The following USP3 variants were observed in gnomAD, a reference collection of about 807,000 sequenced individuals.
The protein encoded by USP3 is ubiquitin carboxyl-terminal hydrolase 3.
USP3 carries 20 observed loss-of-function variants against 72.3 expected under a neutral mutation model. That is an observed-to-expected ratio of 0.28 (90% CI 0.19 to 0.40). The LOEUF is 0.40. Among genes scored for constraint, USP3 ranks in the 10% least tolerant of loss-of-function variants. The probability of loss-of-function intolerance (pLI) is 1.00; values close to 1 mark genes in which losing one functional copy is unlikely to be tolerated. For synonymous variants in USP3, 222 were observed against 225.3 expected (o/e 0.99, Z 0.13); for missense variants, 479 against 633.9 (o/e 0.76, Z 2.62).
intron 3 of USP3, among the ~76,000 whole-genome samples, chr15:63,538,549 C>CTTT (rs746038629): frequency 6.6e-5 from 9 of 137,184 alleles, no homozygotes; most frequent in Admixed American, 2.9e-4. Context: ...AGGTCTTTTA[C>CTTT]TTTTTTTTTT....
chr15:63,537,267 C>T (rs1567102095), intron 3 of USP3, 111 bp downstream of exon 3: 3 of 1,268,252 alleles, frequency 2.4e-6, no homozygotes, highest in South Asian at 1.8e-5. Flanking sequence ...CCTCCTTTTA[C>T]AACTGTTAGG....
intron 1 of USP3, among the ~76,000 whole-genome samples, chr15:63,517,374 G>C (rs966510269): frequency 6.6e-6 from 1 of 152,084 alleles, no homozygotes; most frequent in Non-Finnish European, 1.5e-5. Flanking sequence ...GAGTATGTTG[G>C]TTTTGAAGTT....
rs1256145596 is a variant in USP3 at position 63,504,640 on chromosome 15, C to T, written c.-100C>T. 2 of 1,069,360 alleles carry T rather than the reference C, an allele frequency of 1.9e-6. No individual in the cohort carries two copies. The highest frequency in any genetic ancestry group is 1.8e-5 in the South Asian group (1 of 55,178). The allele number at this position is 1,069,360 out of a possible 1,614,324, so 66.2% of individuals were successfully genotyped here. A position where few individuals can be genotyped will look rare whatever the true frequency, so the allele number is the denominator to read the frequency against. On this transcript the variant is annotated 5_prime_UTR_variant, in exon 1 of 15. Transcript: ENST00000380324. ...AGACGCAGCCGCCGTCGGCCGAGCG[C>T]CCGGCTAGAAGCGACACCAGACGGA...
chr15:63,544,466 AG>A lies in USP3; in HGVS notation c.284+7311del. The A allele has an allele frequency of 2.0e-6, 1 of 510,852 alleles. No homozygotes were observed. The highest frequency in any genetic ancestry group is 3.5e-6 in the Non-Finnish European group (1 of 289,284). The allele number at this position is 510,852 out of a possible 1,614,324, so 31.6% of individuals were successfully genotyped here. Reference sequence around the variant, plus strand: ...AATCCAAAGTTATTGTTTTGACTTTAGTAGACTAGTGTTTTGTCTTTTAGAA... The same window carrying A: ...AATCCAAAGTTATTGTTTTGACTTTATAGACTAGTGTTTTGTCTTTTAGAA... On this transcript the variant is annotated intron_variant, in intron 3 of 14. Transcript: ENST00000380324. The surrounding 1 kb of genome is among the most constrained non-coding windows in gnomAD (Gnocchi z 4.2).
chr15:63,527,122 C>G (rs770441939), intron 1 of USP3, among the ~76,000 whole-genome samples: 4 of 152,184 alleles, frequency 2.6e-5, no homozygotes, highest in Non-Finnish European at 4.4e-5. Context: ...GTCTTGAACT[C>G]CTGGGCTCAA....
At chr15:63,521,710 A>G (rs139579825) in intron 1 of USP3, among the ~76,000 whole-genome samples, 2,673 of 152,300 alleles carry the variant, frequency 0.018, 40 homozygotes, top group Admixed American at 0.04. Context: ...TGTTTCGGAT[A>G]CTTCTCTCTT....
At chr15:63,558,767 T>C (rs1310836100) in intron 6 of USP3, among the ~76,000 whole-genome samples, 1 of 151,984 alleles carries the variant, frequency 6.6e-6, no homozygotes, top group Non-Finnish European at 1.5e-5. Context: ...CCCAGCTGCT[T>C]GGGAGGCTGA....
intron 11 of USP3, among the ~76,000 whole-genome samples, chr15:63,581,487 A>AT (rs1466725674): frequency 6.9e-6 from 1 of 145,842 alleles, no homozygotes; most frequent in Non-Finnish European, 1.5e-5. Context: ...GGTTCAAGCG[A>AT]TTCTTCTGCC....
intron 3 of USP3, among the ~76,000 whole-genome samples, chr15:63,546,908 A>G (rs1054590763): frequency 1.3e-5 from 2 of 152,148 alleles, no homozygotes; most frequent in Non-Finnish European, 2.9e-5. Flanking sequence ...GCGTCCAGCC[A>G]ATCTGTTTGC....
At chr15:63,556,350 C>T (rs1243973848) in intron 4 of USP3, 1 of 224,110 alleles carries the variant, frequency 4.5e-6, no homozygotes. Context: ...GAGGAATGAA[C>T]CTTCTGGTCT....
intron 1 of USP3, among the ~76,000 whole-genome samples, chr15:63,518,508 C>T (rs1479751812): frequency 6.6e-6 from 1 of 152,066 alleles, no homozygotes; most frequent in Non-Finnish European, 1.5e-5. Context: ...AAAGTATGAT[C>T]TTAATTGGAA....
chr15:63,514,125 G>A (rs768060992), intron 1 of USP3, among the ~76,000 whole-genome samples: 6 of 152,148 alleles, frequency 3.9e-5, no homozygotes, highest in African/African-American at 9.7e-5. Context: ...CTCAACATTC[G>A]TGCCATGAGA....
intron 8 of USP3, among the ~76,000 whole-genome samples, chr15:63,567,584 G>T (rs545140598): frequency 2.6e-5 from 4 of 151,624 alleles, no homozygotes; most frequent in African/African-American, 9.7e-5. Context: ...CTGACCTCAT[G>T]ATCTGCCTGC....
At chr15:63,565,946 T>A (rs924926781) in intron 8 of USP3, among the ~76,000 whole-genome samples, 9 of 152,212 alleles carry the variant, frequency 5.9e-5, no homozygotes, top group Non-Finnish European at 8.8e-5. Flanking sequence ...TCCTTGCTTT[T>A]CTTAACACAG....
chr15:63,547,888 G>GAGAGAGAGAGAGAGAGAGACAT (rs1555446525), intron 3 of USP3, among the ~76,000 whole-genome samples: 1 of 73,236 alleles, frequency 1.4e-5, no homozygotes, highest in Admixed American at 1.3e-4. Context: ...GAGAGAGAGA[G>GAGAGAGAGAGAGAGAGAGACAT]AGAGAGAGGC....
At chr15:63,526,463 G>C (rs939788849) in intron 1 of USP3, among the ~76,000 whole-genome samples, 1 of 152,152 alleles carries the variant, frequency 6.6e-6, no homozygotes, top group African/African-American at 2.4e-5. Context: ...ATAGCACACA[G>C]TATGTACTAT....
At chr15:63,562,595 C>T (rs2066625502) in intron 7 of USP3, among the ~76,000 whole-genome samples, 1 of 152,176 alleles carries the variant, frequency 6.6e-6, no homozygotes, top group Non-Finnish European at 1.5e-5. Flanking sequence ...GTCATTTGGC[C>T]TATAACTCAC....
At chr15:63,560,581 G>A (rs1054600613) in intron 7 of USP3, among the ~76,000 whole-genome samples, 2 of 151,692 alleles carry the variant, frequency 1.3e-5, no homozygotes, top group African/African-American at 4.8e-5. Context: ...TAGTCCATGT[G>A]AGTTGATTTG....
Position 63,543,299 on chromosome 15 carries a change from TA to T in USP3, c.284+6153del, listed in dbSNP as rs200822538. ...TCCTCAAACATATTGTGAACAACAT[TA>T]AAAAAAAAAGACACATTTTACTCAA... On this transcript the variant is annotated intron_variant, in intron 3 of 14. Coordinates refer to ENST00000380324, the MANE Select transcript of USP3 (RefSeq NM_006537.4). Among the ~76,000 whole-genome samples, 365 of 148,220 alleles carry T rather than the reference TA, an allele frequency of 2.5e-3. 3 individuals carry two copies. The highest frequency in any genetic ancestry group is 0.022 in the East Asian group (112 of 5,124).
Sources: allele counts gnomAD v4.1 joint callset (sites outside exome capture counted in the v4.1 genomes callset), GRCh38; gene constraint gnomAD v4.1.1; non-coding constraint Gnocchi (gnomAD v3.1); transcripts MANE v1.5; gene names NCBI Gene and HGNC (gene_info 2026-07-23, HGNC 2026-07-21).